The following STK3 variants were observed in gnomAD, a reference collection of about 807,000 sequenced individuals.
STK3 encodes the protein serine/threonine kinase 3.
In STK3, 41 loss-of-function variants were observed where a neutral mutation model predicts 58.0. The ratio of observed to expected loss-of-function variants is 0.71; its 90% confidence interval spans 0.55 to 0.92. The LOEUF (loss-of-function observed/expected upper bound fraction) is 0.92, where lower values mean the gene tolerates loss of function less well. STK3 is among the 40% of genes least tolerant of loss of function. The probability of loss-of-function intolerance (pLI) is 0.00; values close to 1 mark genes in which losing one functional copy is unlikely to be tolerated. For synonymous variants in STK3, 170 were observed against 191.0 expected (o/e 0.89, Z 0.91); for missense variants, 479 against 602.7 (o/e 0.79, Z 2.15).
At chr8:98,451,511 T>A (rs189079215), downstream of STK3, among the ~76,000 whole-genome samples, 20 of 152,228 alleles carry the variant, frequency 1.3e-4, no homozygotes, top group East Asian at 3.7e-3. Context: ...AAAATCCTAA[T>A]TTTTATTTAG....
chr8:98,433,038 C>A (rs952983108), intron 3 of STK3, among the ~76,000 whole-genome samples: 4 of 152,126 alleles, frequency 2.6e-5, no homozygotes, highest in African/African-American at 7.2e-5. Flanking sequence ...AAGTTGGGGA[C>A]CAGATTTCCT....
chr8:98,504,672 A>T (rs1340556916), intron 10 of STK3, among the ~76,000 whole-genome samples: 1 of 152,178 alleles, frequency 6.6e-6, no homozygotes, highest in Admixed American at 6.5e-5. Context: ...TAGATAGGAA[A>T]TTCTGGGTTG....
chr8:98,479,745 T>C (rs1821699416), intron 10 of STK3, among the ~76,000 whole-genome samples: 2 of 151,886 alleles, frequency 1.3e-5, no homozygotes, highest in African/African-American at 4.8e-5. Flanking sequence ...CCACCCCCAA[T>C]GGAAAAGACA....
At chr8:98,635,631 A>G (rs1403697975) in intron 6 of STK3, among the ~76,000 whole-genome samples, 1 of 152,204 alleles carries the variant, frequency 6.6e-6, no homozygotes, top group Non-Finnish European at 1.5e-5. Context: ...TTTACAATAC[A>G]TGTAGGAGAA....
chr8:98,825,577 C>T lies in STK3; in HGVS notation c.-37G>A, dbSNP rs1401072245. Reference sequence around the variant, plus strand: ...ACAGAGAGAGGGACCTGGTGGACGGCGAAGGCCGAAAGGAGGAAAGGAGCC... The same window carrying T: ...ACAGAGAGAGGGACCTGGTGGACGGTGAAGGCCGAAAGGAGGAAAGGAGCC... On this transcript the variant is annotated 5_prime_UTR_variant, in exon 1 of 11. Transcript: ENST00000419617. The T allele has an allele frequency of 6.9e-7, 1 of 1,439,472 alleles. No individual in the cohort carries two copies. Among genetic ancestry groups the T allele is most frequent in the Non-Finnish European group, 9.2e-7 (1 of 1,090,518 alleles). The allele number at this position is 1,439,472 out of a possible 1,614,324, so 89.2% of individuals were successfully genotyped here. A position where few individuals can be genotyped will look rare whatever the true frequency, so the allele number is the denominator to read the frequency against.
intron 1 of STK3, among the ~76,000 whole-genome samples, chr8:98,809,592 T>C (rs1243782089): frequency 2.0e-5 from 3 of 152,238 alleles, no homozygotes; most frequent in East Asian, 3.8e-4. Flanking sequence ...TACAAATTTG[T>C]CCTTTTGTGT....
chr8:98,418,697 C>T (rs891520948), intron 3 of STK3, among the ~76,000 whole-genome samples: 2 of 152,126 alleles, frequency 1.3e-5, no homozygotes, highest in Non-Finnish European at 2.9e-5. Flanking sequence ...AACTTCCCAG[C>T]CTAGGGAAGG....
At chr8:98,798,048 T>A (rs1309037156) in intron 1 of STK3, among the ~76,000 whole-genome samples, 1 of 152,118 alleles carries the variant, frequency 6.6e-6, no homozygotes, top group East Asian at 1.9e-4. Context: ...GCCTTAGAAA[T>A]CAAAGAGACT....
intron 7 of STK3, among the ~76,000 whole-genome samples, chr8:98,580,161 T>TAG (rs1456993257): frequency 6.6e-6 from 1 of 152,226 alleles, no homozygotes; most frequent in Non-Finnish European, 1.5e-5. Flanking sequence ...GGTACTGAGT[T>TAG]ACGTAATTTA....
chr8:98,516,507 G>A (rs917595351), intron 10 of STK3, among the ~76,000 whole-genome samples: 1 of 152,038 alleles, frequency 6.6e-6, no homozygotes, highest in African/African-American at 2.4e-5. Flanking sequence ...ATGGAAGATA[G>A]AATTTATTTG....
chr8:98,410,465 T>C (rs1164017196), intron 3 of STK3, among the ~76,000 whole-genome samples: 2 of 152,196 alleles, frequency 1.3e-5, no homozygotes, highest in East Asian at 3.8e-4. Context: ...TTAACGAATA[T>C]TTGTTGAATA....
rs566011358 is a variant in STK3 at position 98,470,808 on chromosome 8, T to C, written c.1318-14808A>G. On this transcript the variant is annotated intron_variant, in intron 10 of 10. Coordinates refer to ENST00000419617, the MANE Select transcript of STK3 (RefSeq NM_006281.4). ...GTATAAAAAACAAGACACTGTTTAC[T>C]GACTCTTAAGAGGTGTGGGTTTTTA... Among the ~76,000 whole-genome samples, 882 of 152,362 alleles carry C rather than the reference T, an allele frequency of 5.8e-3. 4 individuals are homozygous for C. The highest frequency in any genetic ancestry group is 0.011 in the Non-Finnish European group (715 of 68,040).
At chr8:98,829,454 A>C (rs916570484), upstream of STK3, among the ~76,000 whole-genome samples, 13 of 152,224 alleles carry the variant, frequency 8.5e-5, no homozygotes, top group African/African-American at 3.1e-4. Flanking sequence ...ATCAGAAAAT[A>C]AATTTCTGAG....
intron 1 of STK3, among the ~76,000 whole-genome samples, chr8:98,928,388 C>A (rs537924726): frequency 6.6e-6 from 1 of 152,298 alleles, no homozygotes; most frequent in East Asian, 1.9e-4. Context: ...AAAGGCCACA[C>A]CCAAGAAACT....
At chr8:98,806,929 C>T (rs552807731) in intron 1 of STK3, among the ~76,000 whole-genome samples, 13 of 152,066 alleles carry the variant, frequency 8.5e-5, no homozygotes, top group East Asian at 3.9e-4. Context: ...CCAAGGCAGG[C>T]GGATCACAAG....
intron 10 of STK3, among the ~76,000 whole-genome samples, chr8:98,502,467 C>G (rs915082985): frequency 2.0e-5 from 3 of 152,190 alleles, no homozygotes; most frequent in African/African-American, 7.2e-5. Context: ...TAAGAGAGGG[C>G]ATCCCTGTCT....
chr8:98,822,637 A>G (rs901704827), intron 1 of STK3, among the ~76,000 whole-genome samples: 1 of 151,680 alleles, frequency 6.6e-6, no homozygotes, highest in Non-Finnish European at 1.5e-5. Flanking sequence ...AGAATAAAAC[A>G]TAGATTATTC....
At chr8:98,345,745 G>C in the STK3 span, among the ~76,000 whole-genome samples, 2 of 151,986 alleles carry the variant, frequency 1.3e-5, no homozygotes, top group Non-Finnish European at 1.5e-5. Flanking sequence ...AGCAGAACAG[G>C]ACACCAAAAT....
chr8:98,621,226 C>T (rs962011933), intron 6 of STK3, among the ~76,000 whole-genome samples: 10 of 152,218 alleles, frequency 6.6e-5, no homozygotes, highest in Non-Finnish European at 5.9e-5. Context: ...AGGCATGAGC[C>T]ACCGCGCCCG....
Sources: gnomAD v4.1 joint callset for allele counts (sites outside exome capture counted in the v4.1 genomes callset) on GRCh38, gnomAD v4.1.1 for gene constraint, MANE v1.5 for transcripts, NCBI Gene and HGNC (gene_info 2026-07-23, HGNC 2026-07-21) for gene names.